P2RX1: variants seen among roughly 807,000 people sequenced by gnomAD.
The protein encoded by P2RX1 is P2X purinoceptor 1.
Under a neutral mutation model 50.3 loss-of-function variants are expected in P2RX1, and 42 were observed. The observed-to-expected ratio is 0.83, with a 90% CI of 0.65 to 1.08. The LOEUF is 1.08. Ranked by LOEUF, P2RX1 falls within the 50% of genes least tolerant of loss-of-function variation. P2RX1 has a pLI of 0.00. For missense variants in P2RX1, 449 were observed against 529.0 expected (o/e 0.85, Z 1.48); for synonymous variants, 199 against 202.6 (o/e 0.98, Z 0.15).
intron 1 of P2RX1, among the ~76,000 whole-genome samples, chr17:3,906,698 T>C (rs1002128590): frequency 6.6e-6 from 1 of 152,206 alleles, no homozygotes; most frequent in African/African-American, 2.4e-5. Flanking sequence ...TGGCCTTGCC[T>C]TCCCAGCATT....
At position 3,903,572 on chromosome 17, in the gene P2RX1, A is replaced by T; in HGVS notation, c.584T>A (p.Phe195Tyr). Residue 195 changes from phenylalanine (F) to tyrosine (Y), a missense_variant, in exon 6 of 12, where the codon TTT (phenylalanine) becomes TAT (tyrosine). Coordinates refer to ENST00000225538, the MANE Select transcript of P2RX1 (RefSeq NM_002558.4). The surrounding 1 kb of genome is among the most constrained non-coding windows in gnomAD (Gnocchi z 4.6). ...FTLFIKNSIS[F>Y]PRFKVNRRNL... ...GCACCTGTTGACCTTGAAGCGTGGAAAGCTGATGCTGTTCTTGATGAAAAG... is the reference window on the plus strand; with the variant it reads ...GCACCTGTTGACCTTGAAGCGTGGATAGCTGATGCTGTTCTTGATGAAAAG... 1 of 1,614,202 alleles carries T rather than the reference A, an allele frequency of 6.2e-7. No individual in the cohort carries two copies. Among genetic ancestry groups the T allele is most frequent in the Non-Finnish European group, 8.5e-7 (1 of 1,180,024 alleles).
chr17:3,912,937 G>A (rs2056389755), intron 1 of P2RX1, among the ~76,000 whole-genome samples: 1 of 152,114 alleles, frequency 6.6e-6, no homozygotes, highest in African/African-American at 2.4e-5. Flanking sequence ...TAGTTGAGAA[G>A]AGACCCAGAG....
intron 1 of P2RX1, among the ~76,000 whole-genome samples, chr17:3,908,418 G>A (rs951645097): frequency 2.6e-5 from 4 of 152,210 alleles, no homozygotes; most frequent in African/African-American, 7.2e-5. Flanking sequence ...AAAACTAGCC[G>A]GGCATGGTGG....
At position 3,900,265 on chromosome 17, in the gene P2RX1, C is replaced by G. The variant is rs114418117; in HGVS notation, c.748-504G>C. 3.3e-3 allele frequency among the ~76,000 whole-genome samples: 505 copies of G among 152,128 alleles called. 6 individuals are homozygous for G. The highest frequency in any genetic ancestry group is 0.012 in the African/African-American group (482 of 41,504). ...ATCAGGAGTTCGAGACCAGCCAGACCAACGCAATGAAACCCCGTCTCTACT... is the reference window on the plus strand; with the variant it reads ...ATCAGGAGTTCGAGACCAGCCAGACGAACGCAATGAAACCCCGTCTCTACT... On this transcript the variant is annotated intron_variant, in intron 7 of 11. Coordinates refer to ENST00000225538, the MANE Select transcript of P2RX1 (RefSeq NM_002558.4).
chr17:3,913,866 G>GC (rs796473168), intron 1 of P2RX1, among the ~76,000 whole-genome samples: 1 of 152,098 alleles, frequency 6.6e-6, no homozygotes, highest in East Asian at 1.9e-4. Flanking sequence ...CTCTTGGGGG[G>GC]GGTGGTCCCC....
At chr17:3,907,301 G>GTA (rs2056284440) in intron 1 of P2RX1, among the ~76,000 whole-genome samples, 1 of 150,958 alleles carries the variant, frequency 6.6e-6, no homozygotes, top group Non-Finnish European at 1.5e-5. Context: ...GTGTGTGTGT[G>GTA]TGTGTGTGTG....
At chr17:3,901,181 C>T (rs1185858594) in intron 7 of P2RX1, among the ~76,000 whole-genome samples, 2 of 152,178 alleles carry the variant, frequency 1.3e-5, no homozygotes, top group Non-Finnish European at 2.9e-5. Flanking sequence ...GATTCTCCTG[C>T]CTCAGCCTCC....
intron 1 of P2RX1, among the ~76,000 whole-genome samples, chr17:3,908,043 G>A (rs556224988): frequency 2.0e-5 from 3 of 152,264 alleles, no homozygotes; most frequent in South Asian, 2.1e-4. Flanking sequence ...CAGGAGTGGC[G>A]GTCTCAAGTG....
At chr17:3,898,177 C>T (rs890480278) in intron 10 of P2RX1, 67 bp from the exon 11 acceptor site, 4 of 1,326,360 alleles carry the variant, frequency 3.0e-6, no homozygotes, top group Non-Finnish European at 3.3e-6. Context: ...CCTCCACATC[C>T]CACCTCAGTC....
rs1567661114 is a variant in P2RX1 at position 3,915,959 on chromosome 17, CTTGCCAGGAAGGCCT to C, written c.137+115_137+129del. 7 of 1,103,244 alleles carry C rather than the reference CTTGCCAGGAAGGCCT, an allele frequency of 6.3e-6. No individual in the cohort carries two copies. In the Admixed American group the frequency reaches 1.4e-4, roughly 22 times the overall value. 68.3% of individuals were successfully genotyped at this position (1,103,244 alleles called of 1,614,324 possible). The stretch of plus-strand genomic sequence containing the variant: ...AGGATTTTCTATTCTCGCACAGTGG[CTTGCCAGGAAGGCCT>C]TCCCCTGGATGGAGAGGAAGAGGGG... On this transcript the variant is annotated intron_variant, in intron 1 of 11. Transcript: ENST00000225538.
intron 7 of P2RX1, among the ~76,000 whole-genome samples, chr17:3,902,680 T>C (rs1394845528): frequency 6.6e-6 from 1 of 151,662 alleles, no homozygotes; most frequent in East Asian, 1.9e-4. Context: ...CAATCTTAGC[T>C]CACTGCAACC....
chr17:3,910,559 G>C (rs972753208), intron 1 of P2RX1, among the ~76,000 whole-genome samples: 1 of 152,248 alleles, frequency 6.6e-6, no homozygotes, highest in African/African-American at 2.4e-5. Flanking sequence ...TGAGACACTG[G>C]AGGAGCTGGG....
At chr17:3,904,224 G>A (rs1033810934) in intron 4 of P2RX1, 106 bp downstream of exon 4, 37 of 1,210,956 alleles carry the variant, frequency 3.1e-5, no homozygotes, top group Non-Finnish European at 4.1e-5. Flanking sequence ...AGGCCGCCTC[G>A]GCGGGAGGGG....
chr17:3,915,536 A>G (rs2325788), intron 1 of P2RX1: 316,261 of 456,474 alleles, frequency 0.69, 111,382 homozygotes, highest in East Asian at 0.94. Context: ...GACCAGAACC[A>G]ATCTCTGTCC....
In P2RX1 at chr17:3,898,490, A is replaced by C; in HGVS notation, c.1026T>G (p.Phe342Leu). 6.2e-7 allele frequency: 1 copy of C among 1,613,752 alleles called. No individual in the cohort carries two copies. Among genetic ancestry groups the C allele is most frequent in the Non-Finnish European group, 8.5e-7 (1 of 1,179,682 alleles). ...CGGTGACCCCAGCACTTACCACCCC[A>C]AAGATGCCAATTCCAGAGCCGATGG... The part of the protein sequence containing the change: ...MTTIGSGIGI[F>L]GVATVLCDLL... Residue 342 changes from phenylalanine (F) to leucine (L), a missense_variant, in exon 10 of 12, where the codon TTT (phenylalanine) becomes TTG (leucine). Coordinates refer to ENST00000225538, the MANE Select transcript of P2RX1 (RefSeq NM_002558.4).
In P2RX1 at chr17:3,899,696, T is replaced by C. The variant is rs1276634779; in HGVS notation, c.813A>G (p.Arg271=). 1.2e-6 allele frequency: 2 copies of C among 1,613,942 alleles called. No individual in the cohort carries two copies. Among genetic ancestry groups the C allele is most frequent in the South Asian group, 2.2e-5 (2 of 91,086 alleles). ...ACAGCCCATGGAACTCATAGATGGG[T>C]CTGCAGTGCCGTACGTGCCAGTCCA... is the stretch of plus-strand genomic sequence containing the variant. ...CDLDWHVRHC[R]PIYEFHGLYE... is the part of the protein sequence containing the mutation. Residue 271 remains arginine (R), a synonymous_variant, in exon 8 of 12, where the codon AGA becomes AGG. Coordinates refer to ENST00000225538, the MANE Select transcript of P2RX1 (RefSeq NM_002558.4).
Position 3,916,172 on chromosome 17 carries a change from G to C in P2RX1, c.54C>G (p.Thr18=). The change falls in exon 1 of 12, where the codon ACC becomes ACG. Residue 18 remains threonine (T), a synonymous_variant. Coordinates refer to ENST00000225538, the MANE Select transcript of P2RX1 (RefSeq NM_002558.4). ...TATTACGCACCAGCACCATGCGGGGGGTGTCATACTCGAAGAGGAAGGCGG... is the reference window on the plus strand; with the variant it reads ...TATTACGCACCAGCACCATGCGGGGCGTGTCATACTCGAAGAGGAAGGCGG... ...ELAAFLFEYD[T]PRMVLVRNKK... 1.9e-6 allele frequency: 3 copies of C among 1,613,468 alleles called. No homozygotes were observed. Among genetic ancestry groups the C allele is most frequent in the Non-Finnish European group, 2.5e-6 (3 of 1,180,006 alleles).
chr17:3,904,870 G>A lies in P2RX1; in HGVS notation c.345C>T (p.Gly115=), dbSNP rs1290162921. 8.2e-6 allele frequency: 13 copies of A among 1,593,178 alleles called. No individual in the cohort carries two copies. Among genetic ancestry groups the A allele is most frequent in the African/African-American group, 1.3e-5 (1 of 74,366 alleles). The change falls in exon 3 of 12, where the codon GGC becomes GGT. Residue 115 remains glycine (G), a synonymous_variant. Transcript: ENST00000225538. The stretch of plus-strand genomic sequence containing the variant: ...CAGAAGTCCTCACCTCTGCGCAGTA[G>A]CCTTGAGTCTGCTTCGGGGTCACGA... ...NFIVTPKQTQ[G]YCAEHPEGGI...
At position 3,903,761 on chromosome 17, in the gene P2RX1, T is replaced by TGG; in HGVS notation, c.525-132_525-131dup. ...CTGCAGCCCTGGGCTGGTGGAGGGGTGGGTGTGCTCTAGCGTGGCCAGGAC... is the reference window on the plus strand; with the variant it reads ...CTGCAGCCCTGGGCTGGTGGAGGGGTGGGGGTGTGCTCTAGCGTGGCCAGGAC... On this transcript the variant is annotated intron_variant, in intron 5 of 11. Transcript: ENST00000225538. The surrounding 1 kb of genome is among the most constrained non-coding windows in gnomAD (Gnocchi z 4.6). 1 of 1,136,010 alleles carries TGG rather than the reference T, an allele frequency of 8.8e-7. No homozygotes were observed. The highest frequency in any genetic ancestry group is 1.3e-6 in the Non-Finnish European group (1 of 759,782). 70.4% of individuals were successfully genotyped at this position (1,136,010 alleles called of 1,614,324 possible).
Sources: gnomAD v4.1 joint callset for allele counts (sites outside exome capture counted in the v4.1 genomes callset) on GRCh38, gnomAD v4.1.1 for gene constraint, Gnocchi (gnomAD v3.1) non-coding constraint, MANE v1.5 for transcripts, NCBI Gene and HGNC (gene_info 2026-07-23, HGNC 2026-07-21) for gene names.